Variants in SH2B3 observed in about 807,000 individuals in gnomAD.
SH2B3 encodes the protein SH2B adaptor protein 3.
Under a neutral mutation model 51.9 loss-of-function variants are expected in SH2B3, and 43 were observed. That is an observed-to-expected ratio of 0.83 (90% CI 0.65 to 1.07). The LOEUF (loss-of-function observed/expected upper bound fraction) is 1.07, where lower values mean the gene tolerates loss of function less well. Ranked by LOEUF, SH2B3 falls within the 50% of genes least tolerant of loss-of-function variation. SH2B3 has a pLI of 0.00. For missense variants in SH2B3, 952 were observed against 834.3 expected, an observed-to-expected ratio of 1.14 and a Z score of -1.74; for synonymous variants, 396 against 376.0, an observed-to-expected ratio of 1.05 and a Z score of -0.62.
At chr12:111,443,269 C>T (rs146558117) in intron 2 of SH2B3, among the ~76,000 whole-genome samples, 9 of 152,350 alleles carry the variant, frequency 5.9e-5, no homozygotes, top group Non-Finnish European at 1.3e-4. Flanking sequence ...ATCTTCACTT[C>T]TCAGATGACG....
chr12:111,434,618 T>C, intron 2 of SH2B3: 2 of 219,362 alleles, frequency 9.1e-6, no homozygotes, highest in Non-Finnish European at 1.5e-5. Context: ...GATCTTCGCC[T>C]TTATGGTTTT....
rs1167885336 is a variant in SH2B3, at chr12:111,407,122, G to A, written c.-28+845G>A. On this transcript the variant is annotated intron_variant, in intron 1 of 7. Transcript: ENST00000341259. This position sits in a 1 kb window ranked among gnomAD's most constrained non-coding sequence, Gnocchi z 4.3. ...AGGAACTGGAGAGGAGGGTCTGCCT[G>A]CCTGTCCCGCTTCTTTTTTTCTTTA... 6.6e-6 allele frequency among the ~76,000 whole-genome samples: 1 copy of A among 152,196 alleles called. No individual in the cohort carries two copies. The highest frequency in any genetic ancestry group is 1.9e-4 in the East Asian group (1 of 5,198).
chr12:111,424,200 A>G (rs1871793129), intron 2 of SH2B3, among the ~76,000 whole-genome samples: 1 of 152,154 alleles, frequency 6.6e-6, no homozygotes, highest in Non-Finnish European at 1.5e-5. Context: ...TGAATAATGA[A>G]TAAGCTGCTT....
chr12:111,448,437 G>A lies in SH2B3; in HGVS notation c.*135G>A. On this transcript the variant is annotated 3_prime_UTR_variant, in exon 8 of 8. Coordinates refer to ENST00000341259, the MANE Select transcript of SH2B3 (RefSeq NM_005475.3). ...CACTGTTAACTGCTCGTGCCAGTTT[G>A]GAAGTGACCCTTCTATTAGGCCTGT... 1.4e-6 allele frequency: 1 copy of A among 706,354 alleles called. No homozygotes were observed. Among genetic ancestry groups the A allele is most frequent in the Non-Finnish European group, 2.3e-6 (1 of 429,062 alleles). 43.8% of individuals were successfully genotyped at this position (706,354 alleles called of 1,614,324 possible). A position where few individuals can be genotyped will look rare whatever the true frequency, so the allele number is the denominator to read the frequency against.
chr12:111,441,614 G>A (rs60612310), intron 2 of SH2B3, among the ~76,000 whole-genome samples: 15,698 of 152,122 alleles, frequency 0.1, 2,702 homozygotes, highest in African/African-American at 0.36. Flanking sequence ...GAGAGTTTGC[G>A]AGGTGAGGAC....
At position 111,438,181 on chromosome 12, in the gene SH2B3, G is replaced by A. The variant is rs1395675203; in HGVS notation, c.733-8572G>A. 1.3e-5 allele frequency among the ~76,000 whole-genome samples: 2 copies of A among 152,168 alleles called. No individual in the cohort carries two copies. The highest frequency in any genetic ancestry group is 2.9e-5 in the Non-Finnish European group (2 of 68,022). On this transcript the variant is annotated intron_variant, in intron 2 of 7. Transcript: ENST00000341259. The surrounding 1 kb of genome is among the most constrained non-coding windows in gnomAD (Gnocchi z 4.2). ...GGGGCTGGGTGGCAGGGGAAGGTGT[G>A]GGCGGGAAGGCGGCTGGAGGGAGAC...
chr12:111,426,635 T>C (rs1302979424), intron 2 of SH2B3, among the ~76,000 whole-genome samples: 1 of 152,210 alleles, frequency 6.6e-6, no homozygotes, highest in Non-Finnish European at 1.5e-5. Context: ...CCTTCTAGTC[T>C]TCTTTAGTTC....
At chr12:111,417,609 T>A (rs1871185586) in intron 1 of SH2B3, among the ~76,000 whole-genome samples, 2 of 151,986 alleles carry the variant, frequency 1.3e-5, no homozygotes, top group African/African-American at 4.8e-5. Flanking sequence ...CGTGCTGCAA[T>A]GCCAACTCAT....
At chr12:111,441,218 C>CA (rs1027435153) in intron 2 of SH2B3, among the ~76,000 whole-genome samples, 4 of 151,874 alleles carry the variant, frequency 2.6e-5, no homozygotes, top group African/African-American at 4.8e-5. Context: ...TCTATCTCTA[C>CA]AAAAAAATAA....
rs1870542394 is a variant in SH2B3, at chr12:111,409,792, C to T, written c.-28+3515C>T. Among the ~76,000 whole-genome samples the T allele has an allele frequency of 6.6e-6, 1 of 152,202 alleles. No individual in the cohort carries two copies. The highest frequency in any genetic ancestry group is 6.5e-5 in the Admixed American group (1 of 15,284). On this transcript the variant is annotated intron_variant, in intron 1 of 7. Coordinates refer to ENST00000341259, the MANE Select transcript of SH2B3 (RefSeq NM_005475.3). This position sits in a 1 kb window ranked among gnomAD's most constrained non-coding sequence, Gnocchi z 4.0. ...CCTGCTGCCGGGGTGACAAGCATCC[C>T]TCTACCAGGGCTCCAGGGTTCTGCT... is the stretch of plus-strand genomic sequence containing the variant.
chr12:111,435,755 C>G lies in SH2B3; in HGVS notation c.733-10998C>G, dbSNP rs181538823. ...CCTGGCACTCGTGGTTTGGGGCGTCCATGGCCTTGTGGTGGCGAGGCGCAG... is the reference window on the plus strand; with the variant it reads ...CCTGGCACTCGTGGTTTGGGGCGTCGATGGCCTTGTGGTGGCGAGGCGCAG... On this transcript the variant is annotated intron_variant, in intron 2 of 7. Transcript: ENST00000341259. The surrounding 1 kb of genome is among the most constrained non-coding windows in gnomAD (Gnocchi z 4.8). Among the ~76,000 whole-genome samples, 24 of 152,320 alleles carry G rather than the reference C, an allele frequency of 1.6e-4. No homozygotes were observed. The highest frequency in any genetic ancestry group is 1.5e-3 in the Admixed American group (23 of 15,296).
At position 111,418,420 on chromosome 12, in the gene SH2B3, C is replaced by T; in HGVS notation, c.275C>T (p.Thr92Ile). The T allele has an allele frequency of 6.8e-7, 1 of 1,477,802 alleles. No individual in the cohort carries two copies. Among genetic ancestry groups the T allele is most frequent in the Non-Finnish European group, 8.9e-7 (1 of 1,119,660 alleles). 91.5% of individuals were successfully genotyped at this position (1,477,802 alleles called of 1,614,324 possible). A position where few individuals can be genotyped will look rare whatever the true frequency, so the allele number is the denominator to read the frequency against. ...GRAPGRDYRD[T>I]GRGPPAKAEA... ...GCGCCGGGCCGCGACTACCGGGACA[C>T]AGGCCGTGGGCCCCCAGCCAAGGCC... Residue 92 changes from threonine to isoleucine, a missense_variant, in exon 2 of 8, where the codon ACA becomes ATA. By Grantham distance (89) the Thr-to-Ile change is moderately conservative. Transcript: ENST00000341259. The surrounding 1 kb of genome is among the most constrained non-coding windows in gnomAD (Gnocchi z 6.7).
Position 111,407,227 on chromosome 12 carries a change from G to T in SH2B3, c.-28+950G>T, listed in dbSNP as rs1391832812. Among the ~76,000 whole-genome samples, 1 of 152,242 alleles carries T rather than the reference G, an allele frequency of 6.6e-6. No homozygotes were observed. Among genetic ancestry groups the T allele is most frequent in the Non-Finnish European group, 1.5e-5 (1 of 68,046 alleles). On this transcript the variant is annotated intron_variant, in intron 1 of 7. Transcript: ENST00000341259. The surrounding 1 kb of genome is among the most constrained non-coding windows in gnomAD (Gnocchi z 4.3). ...AGGAGGTCACTGCCTGCAGCTGGGG[G>T]CCTCCAGGGAGGGGCACGGCCAGGC...
intron 2 of SH2B3, among the ~76,000 whole-genome samples, chr12:111,445,386 G>A (rs1873846596): frequency 6.6e-6 from 1 of 152,194 alleles, no homozygotes; most frequent in African/African-American, 2.4e-5. Context: ...AGAGCGCAGA[G>A]GCCCCACTCC....
chr12:111,435,001 C>T lies in SH2B3; in HGVS notation c.733-11752C>T, dbSNP rs752799387. 2.0e-6 allele frequency: 3 copies of T among 1,532,884 alleles called. No homozygotes were observed. The highest frequency in any genetic ancestry group is 2.4e-5 in the South Asian group (2 of 84,052). The allele number at this position is 1,532,884 out of a possible 1,614,324, so 95.0% of individuals were successfully genotyped here. On this transcript the variant is annotated intron_variant, in intron 2 of 7. Coordinates refer to ENST00000341259, the MANE Select transcript of SH2B3 (RefSeq NM_005475.3). The surrounding 1 kb of genome is among the most constrained non-coding windows in gnomAD (Gnocchi z 4.8). ...ACCCCAGAAGCCCTTGCTCTCACCTCTTCTTCTGAATCATCGTTCTTCGAA... is the reference window on the plus strand; with the variant it reads ...ACCCCAGAAGCCCTTGCTCTCACCTTTTCTTCTGAATCATCGTTCTTCGAA...
chr12:111,447,990 C>T lies in SH2B3; in HGVS notation c.1416C>T (p.Cys472=). Residue 472 remains cysteine (C), a synonymous_variant, in exon 8 of 8, where the codon TGC becomes TGT. Transcript: ENST00000341259. The stretch of plus-strand genomic sequence containing the variant: ...CTTGGTCACTTGTCCTAGGTTCCTG[C>T]AACACGGTCCTCTTCCCTTTCTCCC... ...VVVVSQPPGS[C]NTVLFPFSLP... 6.2e-7 allele frequency: 1 copy of T among 1,606,556 alleles called. No homozygotes were observed. Among genetic ancestry groups the T allele is most frequent in the Non-Finnish European group, 8.5e-7 (1 of 1,175,366 alleles).
At chr12:111,405,248 C>A (rs995735060), upstream of SH2B3, among the ~76,000 whole-genome samples, 2 of 152,148 alleles carry the variant, frequency 1.3e-5, no homozygotes, top group Non-Finnish European at 2.9e-5. The surrounding 1 kb of genome is among the most constrained non-coding windows in gnomAD (Gnocchi z 5.4). Flanking sequence ...GCGGCCGGAG[C>A]GAGGCTGGGC....
chr12:111,418,707 GC>G lies in SH2B3; in HGVS notation c.565del (p.Arg189GlyfsTer8). 1 of 1,485,562 alleles carries G rather than the reference GC, an allele frequency of 6.7e-7. No individual in the cohort carries two copies. Among genetic ancestry groups the G allele is most frequent in the Non-Finnish European group, 8.9e-7 (1 of 1,125,380 alleles). 92.0% of individuals were successfully genotyped at this position (1,485,562 alleles called of 1,614,324 possible). ...LAKKFLPWSL[A>X]REPPPEALKE... is the part of the protein sequence containing the mutation. ...CAAGAAGTTCCTGCCCTGGAGCCTGGCCCGGGAGCCGCCACCCGAGGCGCTG... is the reference window on the plus strand; with the variant it reads ...CAAGAAGTTCCTGCCCTGGAGCCTGGCCGGGAGCCGCCACCCGAGGCGCTG... On this transcript the variant is annotated frameshift_variant, in exon 2 of 8. Transcript: ENST00000341259. LOFTEE classifies it high-confidence loss of function. This position sits in a 1 kb window ranked among gnomAD's most constrained non-coding sequence, Gnocchi z 6.7.
At chr12:111,405,215 C>T (rs963705869), upstream of SH2B3, among the ~76,000 whole-genome samples, 1 of 152,216 alleles carries the variant, frequency 6.6e-6, no homozygotes, top group Non-Finnish European at 1.5e-5. This position sits in a 1 kb window ranked among gnomAD's most constrained non-coding sequence, Gnocchi z 5.4. Context: ...ATGCACCCCT[C>T]CTAGAATTGG....
Sources: gnomAD v4.1 joint callset for allele counts (sites outside exome capture counted in the v4.1 genomes callset) on GRCh38, gnomAD v4.1.1 for gene constraint, Gnocchi (gnomAD v3.1) non-coding constraint, MANE v1.5 for transcripts, NCBI Gene and HGNC (gene_info 2026-07-23, HGNC 2026-07-21) for gene names.